WSCD2: variants seen among roughly 807,000 people sequenced by gnomAD.
WSCD2 encodes the protein WSC domain sialate O sulfotransferase 2.
Under a neutral mutation model 55.7 loss-of-function variants are expected in WSCD2, and 28 were observed. That is an observed-to-expected ratio of 0.50 (90% CI 0.37 to 0.69). The LOEUF (loss-of-function observed/expected upper bound fraction) is 0.69. Ranked by LOEUF, WSCD2 falls within the 30% of genes least tolerant of loss-of-function variation. WSCD2 has a pLI of 0.00. For synonymous variants in WSCD2, 301 were observed against 301.9 expected, an observed-to-expected ratio of 1.00 and a Z score of 0.03; for missense variants, 616 against 762.1, an observed-to-expected ratio of 0.81 and a Z score of 2.26.
At chr12:108,227,644 C>A (rs1888257847) in intron 6 of WSCD2, among the ~76,000 whole-genome samples, 1 of 152,152 alleles carries the variant, frequency 6.6e-6, no homozygotes, top group African/African-American at 2.4e-5. Context: ...CACTTCTAGT[C>A]TTCTTCCTTT....
intron 1 of WSCD2, among the ~76,000 whole-genome samples, chr12:108,163,969 G>C (rs551807941): frequency 6.6e-6 from 1 of 152,024 alleles, no homozygotes; most frequent in East Asian, 1.9e-4. Context: ...TGAATGCCTG[G>C]AAAGGTAGTG....
intron 1 of WSCD2, among the ~76,000 whole-genome samples, chr12:108,190,920 C>A (rs1592976015): frequency 6.6e-6 from 1 of 152,162 alleles, no homozygotes; most frequent in African/African-American, 2.4e-5. Flanking sequence ...CTCATCGAAT[C>A]CTCCCCACAC....
intron 4 of WSCD2, among the ~76,000 whole-genome samples, chr12:108,221,792 T>G (rs1371759837): frequency 2.0e-5 from 3 of 152,188 alleles, no homozygotes; most frequent in Non-Finnish European, 4.4e-5. Context: ...CTGCATAGTT[T>G]AACTCCCAGT....
intron 1 of WSCD2, among the ~76,000 whole-genome samples, chr12:108,144,896 G>A (rs571991249): frequency 1.6e-4 from 24 of 152,266 alleles, no homozygotes; most frequent in South Asian, 4.1e-4. Flanking sequence ...GCCTAAGCTC[G>A]CACAACTCGG....
chr12:108,197,907 A>G (rs1426728177), intron 2 of WSCD2, among the ~76,000 whole-genome samples: 2 of 147,958 alleles, frequency 1.4e-5, no homozygotes, highest in African/African-American at 5.0e-5. Context: ...CTATCCCAAG[A>G]TCTCTGTATA....
chr12:108,234,995 C>G (rs1382750923), intron 7 of WSCD2, among the ~76,000 whole-genome samples: 1 of 152,032 alleles, frequency 6.6e-6, no homozygotes, highest in African/African-American at 2.4e-5. Context: ...GGCCTATACA[C>G]CAAGTATTCG....
chr12:108,174,018 T>C (rs1880535729), intron 1 of WSCD2, among the ~76,000 whole-genome samples: 1 of 152,112 alleles, frequency 6.6e-6, no homozygotes, highest in Admixed American at 6.5e-5. Flanking sequence ...CGTTATGCAC[T>C]TTACAGCGTC....
chr12:108,229,792 G>C (rs1888535279), intron 6 of WSCD2, among the ~76,000 whole-genome samples: 1 of 150,646 alleles, frequency 6.6e-6, no homozygotes, highest in Admixed American at 6.6e-5. Context: ...TTTGAATAGA[G>C]AATTCTGTTT....
chr12:108,197,309 G>GC (rs1030873036), intron 2 of WSCD2: 1 of 152,222 alleles, frequency 6.6e-6, no homozygotes, highest in Non-Finnish European at 1.5e-5. Flanking sequence ...CCCCAGTCCT[G>GC]CCCCCAACCT....
At chr12:108,188,409 A>G (rs999839317) in intron 1 of WSCD2, among the ~76,000 whole-genome samples, 3 of 152,144 alleles carry the variant, frequency 2.0e-5, no homozygotes, top group Non-Finnish European at 4.4e-5. Context: ...CAGAACCACA[A>G]TATATCCATC....
At chr12:108,167,849 G>A (rs978217581) in intron 1 of WSCD2, among the ~76,000 whole-genome samples, 4 of 152,198 alleles carry the variant, frequency 2.6e-5, no homozygotes, top group Non-Finnish European at 5.9e-5. Flanking sequence ...CTTAGGCTAG[G>A]CAGGACCTAT....
intron 1 of WSCD2, among the ~76,000 whole-genome samples, chr12:108,154,224 C>T (rs1456126586): frequency 6.6e-6 from 1 of 152,160 alleles, no homozygotes; most frequent in Non-Finnish European, 1.5e-5. Flanking sequence ...TATTCTACTA[C>T]AGTTCTGAAG....
At chr12:108,143,752 C>G (rs1363680369) in intron 1 of WSCD2, among the ~76,000 whole-genome samples, 1 of 152,190 alleles carries the variant, frequency 6.6e-6, no homozygotes, top group African/African-American at 2.4e-5. Context: ...TCCCACTAAA[C>G]CCTGTGTAGC....
intron 7 of WSCD2, among the ~76,000 whole-genome samples, chr12:108,238,962 A>G (rs1433950194): frequency 6.6e-6 from 1 of 152,166 alleles, no homozygotes; most frequent in Non-Finnish European, 1.5e-5. Flanking sequence ...AATTGTTGAG[A>G]GGATTGGATT....
intron 5 of WSCD2, 31 bp downstream of exon 5, chr12:108,224,891 G>A (rs1190175153): frequency 6.2e-7 from 1 of 1,606,814 alleles, no homozygotes; most frequent in South Asian, 1.1e-5. Flanking sequence ...ATGGAACTCA[G>A]GGGGAGGGAA....
chr12:108,231,954 C>G (rs538144351), intron 6 of WSCD2, among the ~76,000 whole-genome samples: 1 of 152,202 alleles, frequency 6.6e-6, no homozygotes, highest in African/African-American at 2.4e-5. Flanking sequence ...GACGGATAGA[C>G]AGTGGGACCC....
chr12:108,185,214 C>T (rs927129245), intron 1 of WSCD2, among the ~76,000 whole-genome samples: 1 of 152,214 alleles, frequency 6.6e-6, no homozygotes, highest in Non-Finnish European at 1.5e-5. Context: ...AAGCATTTTT[C>T]AGCTCAGCCT....
intron 1 of WSCD2, among the ~76,000 whole-genome samples, chr12:108,193,704 T>C (rs950497641): frequency 1.3e-5 from 2 of 152,088 alleles, no homozygotes; most frequent in African/African-American, 2.4e-5. Context: ...GATGGATGGA[T>C]GGGTGGATGG....
intron 4 of WSCD2, among the ~76,000 whole-genome samples, chr12:108,216,915 TG>T (rs1213495063): frequency 6.6e-6 from 1 of 152,244 alleles, no homozygotes; most frequent in African/African-American, 2.4e-5. Context: ...AATAATGGAA[TG>T]GCAAATGCCA....
Sources: allele counts gnomAD v4.1 joint callset (sites outside exome capture counted in the v4.1 genomes callset), GRCh38; gene constraint gnomAD v4.1.1; transcripts MANE v1.5; gene names NCBI Gene and HGNC (gene_info 2026-07-23, HGNC 2026-07-21).